VWA8: variants seen among roughly 807,000 people sequenced by gnomAD.
VWA8 encodes von Willebrand factor A domain-containing protein 8.
In VWA8, 221 loss-of-function variants were observed where a neutral mutation model predicts 241.5. That is an observed-to-expected ratio of 0.91 (90% confidence interval 0.82 to 1.02). The LOEUF is 1.02. Among genes scored for constraint, VWA8 ranks in the 50% least tolerant of loss-of-function variants. VWA8 has a pLI of 0.00. For synonymous variants in VWA8, 852 were observed against 827.1 expected (o/e 1.03, Z -0.52); for missense variants, 2,322 against 2,328.7 (o/e 1.00, Z 0.06).
chr13:41,717,304 T>TAAATATTCAATATAAATATTCAATATA (rs1193498877), intron 26 of VWA8, among the ~76,000 whole-genome samples: 7 of 151,756 alleles, frequency 4.6e-5, no homozygotes, highest in Non-Finnish European at 8.8e-5. Flanking sequence ...TTTGAATATT[T>TAAATATTCAATATAAATATTCAATATA]AAATATTCAA....
chr13:41,843,231 A>G (rs1042892644), intron 12 of VWA8, among the ~76,000 whole-genome samples: 1 of 152,212 alleles, frequency 6.6e-6, no homozygotes, highest in Admixed American at 6.5e-5. Flanking sequence ...AAACCCCAGC[A>G]TATACAAACT....
At chr13:41,948,075 T>C (rs1877948404) in intron 2 of VWA8, among the ~76,000 whole-genome samples, 1 of 151,740 alleles carries the variant, frequency 6.6e-6, no homozygotes, top group Admixed American at 6.6e-5. Flanking sequence ...AAAACTTGCA[T>C]ATGGATGCTT....
chr13:41,772,919 T>C (rs936903487), intron 20 of VWA8, among the ~76,000 whole-genome samples: 8 of 152,226 alleles, frequency 5.3e-5, no homozygotes, highest in Non-Finnish European at 8.8e-5. Context: ...CCATTTTCTT[T>C]AATTTCCTCA....
At chr13:41,925,839 C>A in intron 2 of VWA8, 2 of 305,468 alleles carry the variant, frequency 6.5e-6, no homozygotes, top group South Asian at 8.7e-5. Context: ...GATCCATAGT[C>A]AGGCAGTTTA....
At chr13:41,735,742 ATACAAT>A (rs2045519930) in intron 21 of VWA8, among the ~76,000 whole-genome samples, 4 of 152,172 alleles carry the variant, frequency 2.6e-5, no homozygotes, top group African/African-American at 9.6e-5. Context: ...ATAAGACTTA[ATACAAT>A]AAGAAAAAAC....
intron 42 of VWA8, among the ~76,000 whole-genome samples, chr13:41,584,649 CTTG>C (rs1393277312): frequency 3.3e-5 from 5 of 152,134 alleles, no homozygotes; most frequent in Non-Finnish European, 7.4e-5. Flanking sequence ...TAACGTGCTT[CTTG>C]TTAAGAATTT....
At chr13:41,887,650 C>T (rs1373631905) in intron 5 of VWA8, among the ~76,000 whole-genome samples, 1 of 152,188 alleles carries the variant, frequency 6.6e-6, no homozygotes, top group Non-Finnish European at 1.5e-5. Flanking sequence ...CAGAGGAAAA[C>T]AGTCAGGGGG....
chr13:41,872,063 T>C (rs2138059300), intron 9 of VWA8, among the ~76,000 whole-genome samples: 1 of 152,376 alleles, frequency 6.6e-6, no homozygotes, highest in Non-Finnish European at 1.5e-5. Flanking sequence ...CCAGTGATGA[T>C]GAGCATTTTT....
At chr13:41,782,691 GAAT>G (rs1431202963) in intron 19 of VWA8, among the ~76,000 whole-genome samples, 3 of 151,846 alleles carry the variant, frequency 2.0e-5, no homozygotes, top group Non-Finnish European at 2.9e-5. Context: ...TTTTTATTAA[GAAT>G]AATATGTCTA....
At position 41,771,573 on chromosome 13, in the gene VWA8, T is replaced by C. The variant is rs1425631412; in HGVS notation, c.2349+6412A>G. 3.3e-5 allele frequency among the ~76,000 whole-genome samples: 5 copies of C among 152,150 alleles called. No individual in the cohort carries two copies. In the East Asian group the frequency reaches 7.7e-4, roughly 23 times the overall value. On this transcript the variant is annotated intron_variant, in intron 20 of 44. Transcript: ENST00000379310. ...AACAGAGACTCACTCTTAGGGACTTTTTTTTATTATTATTTTTATTTTTGA... is the reference window on the plus strand; with the variant it reads ...AACAGAGACTCACTCTTAGGGACTTCTTTTTATTATTATTTTTATTTTTGA...
At chr13:41,710,006 T>C (rs9566828) in intron 26 of VWA8, among the ~76,000 whole-genome samples, 5,294 of 152,216 alleles carry the variant, frequency 0.035, 166 homozygotes, top group East Asian at 0.098. Flanking sequence ...CAAAGGCAGA[T>C]AATGAGTCTT....
chr13:41,894,757 A>G (rs920222416), intron 4 of VWA8, among the ~76,000 whole-genome samples: 1 of 152,240 alleles, frequency 6.6e-6, no homozygotes, highest in Admixed American at 6.5e-5. Context: ...ATCAAAGTCA[A>G]TGTGACCAGT....
intron 26 of VWA8, among the ~76,000 whole-genome samples, chr13:41,709,006 T>C (rs1179191929): frequency 6.6e-6 from 1 of 152,220 alleles, no homozygotes; most frequent in Non-Finnish European, 1.5e-5. Flanking sequence ...CATCTTAGTA[T>C]TTTCTAATCT....
intron 3 of VWA8, among the ~76,000 whole-genome samples, chr13:41,908,493 C>T (rs1283678794): frequency 1.3e-5 from 2 of 151,340 alleles, no homozygotes; most frequent in Non-Finnish European, 1.5e-5. Flanking sequence ...AACAAACAAA[C>T]CCAATAATCA....
intron 12 of VWA8, among the ~76,000 whole-genome samples, chr13:41,839,924 T>C (rs1871918807): frequency 1.3e-5 from 2 of 152,168 alleles, no homozygotes; most frequent in East Asian, 3.8e-4. Flanking sequence ...AATGGTAGCT[T>C]GATGGGGATA....
intron 1 of VWA8, among the ~76,000 whole-genome samples, chr13:41,953,374 A>ATATTTT (rs1477180458): frequency 5.6e-4 from 86 of 152,372 alleles, no homozygotes; most frequent in African/African-American, 2.0e-3. Context: ...CAACCTATCA[A>ATATTTT]CTGAATATTG....
At chr13:41,762,580 G>T (rs1270981277) in intron 20 of VWA8, among the ~76,000 whole-genome samples, 1 of 152,006 alleles carries the variant, frequency 6.6e-6, no homozygotes, top group Non-Finnish European at 1.5e-5. Context: ...CTCACTTCTA[G>T]GTCCATCCTA....
rs1170383090 is a variant in VWA8, at chr13:41,721,452, T to C, written c.2882A>G (p.Glu961Gly). Residue 961 changes from glutamate to glycine, a missense_variant, in exon 25 of 45, where the codon GAG becomes GGG. Coordinates refer to ENST00000379310, the MANE Select transcript of VWA8 (RefSeq NM_015058.2). ...CCCTTGGTCAGCCAAACTCCTCAGCTCTCCAAAGGCAGCCACAAGCTTCTG... is the reference window on the plus strand; with the variant it reads ...CCCTTGGTCAGCCAAACTCCTCAGCCCTCCAAAGGCAGCCACAAGCTTCTG... Reference protein sequence around the residue: ...ILQKLVAAFGELRSLADQGII... With the variant: ...ILQKLVAAFGGLRSLADQGII... The C allele has an allele frequency of 2.5e-6, 4 of 1,613,706 alleles. No homozygotes were observed. The East Asian group carries it at 8.9e-5, about 36-fold the overall frequency.
intron 21 of VWA8, among the ~76,000 whole-genome samples, chr13:41,758,369 CAT>C (rs374621428): frequency 0.017 from 1,248 of 72,866 alleles, 56 homozygotes; most frequent in African/African-American, 0.063. Flanking sequence ...TAGATACTAG[CAT>C]ATATATATAT....
Sources: allele counts gnomAD v4.1 joint callset (sites outside exome capture counted in the v4.1 genomes callset), GRCh38; gene constraint gnomAD v4.1.1; transcripts MANE v1.5; gene names NCBI Gene and HGNC (gene_info 2026-07-23, HGNC 2026-07-21).